The following ADAM12 variants were observed in gnomAD, a reference collection of about 807,000 sequenced individuals.
The protein encoded by ADAM12 is ADAM metallopeptidase domain 12.
Under a neutral mutation model 106.4 loss-of-function variants are expected in ADAM12, and 70 were observed. The ratio of observed to expected loss-of-function variants is 0.66; its 90% confidence interval spans 0.54 to 0.80. The LOEUF is 0.80. Among genes scored for constraint, ADAM12 ranks in the 30% least tolerant of loss-of-function variants. The pLI is 0.00. For missense variants in ADAM12, 1,010 were observed against 1,171.9 expected (o/e 0.86, Z 2.02); for synonymous variants, 420 against 433.5 (o/e 0.97, Z 0.39).
chr10:126,104,728 T>TG (rs931264167), intron 8 of ADAM12, among the ~76,000 whole-genome samples: 5 of 152,116 alleles, frequency 3.3e-5, no homozygotes, highest in Non-Finnish European at 7.4e-5. Flanking sequence ...GTTTTGCTCA[T>TG]GGGGGGATTT....
At chr10:126,095,920 C>T (rs918951747) in intron 10 of ADAM12, among the ~76,000 whole-genome samples, 2 of 152,158 alleles carry the variant, frequency 1.3e-5, no homozygotes, top group Non-Finnish European at 2.9e-5. Context: ...AGAGAGCACA[C>T]TGATACAGTC....
chr10:126,371,048 T>C (rs1248871187), intron 1 of ADAM12, among the ~76,000 whole-genome samples: 1 of 152,258 alleles, frequency 6.6e-6, no homozygotes, highest in African/African-American at 2.4e-5. Context: ...GTATATTCCC[T>C]ATTTGTGCAG....
chr10:126,241,029 C>A (rs1020730499), intron 3 of ADAM12, among the ~76,000 whole-genome samples: 4 of 152,084 alleles, frequency 2.6e-5, no homozygotes, highest in African/African-American at 9.7e-5. Context: ...GGAATGTGTT[C>A]CAGCCATAAA....
chr10:126,166,505 T>TTTG (rs1957026961), intron 3 of ADAM12, among the ~76,000 whole-genome samples: 1 of 152,226 alleles, frequency 6.6e-6, no homozygotes, highest in South Asian at 2.1e-4. Context: ...TTTTTTGTTT[T>TTTG]TTGTTTTTTT....
chr10:126,096,257 T>C (rs73378604), intron 10 of ADAM12, among the ~76,000 whole-genome samples: 3,543 of 152,310 alleles, frequency 0.023, 131 homozygotes, highest in African/African-American at 0.08. Flanking sequence ...TTCTTCTGAT[T>C]CTTTTGTGTC....
intron 21 of ADAM12, among the ~76,000 whole-genome samples, chr10:126,030,644 A>G (rs11244777): frequency 0.24 from 36,813 of 152,174 alleles, 4,835 homozygotes; most frequent in East Asian, 0.33. Flanking sequence ...CCTTGAAAAC[A>G]TGTTCTGAGA....
chr10:126,235,945 T>C (rs7075350), intron 3 of ADAM12, among the ~76,000 whole-genome samples: 108,786 of 151,694 alleles, frequency 0.72, 39,500 homozygotes, highest in Non-Finnish European at 0.78. Flanking sequence ...AGGACCTGGT[T>C]GGACCAAGGG....
At chr10:126,322,840 G>A (rs1361509141) in intron 2 of ADAM12, among the ~76,000 whole-genome samples, 2 of 152,132 alleles carry the variant, frequency 1.3e-5, no homozygotes, top group African/African-American at 2.4e-5. Flanking sequence ...TTAAACAGCT[G>A]AGCTCCCAGA....
chr10:126,321,029 T>C (rs570329410), intron 2 of ADAM12, among the ~76,000 whole-genome samples: 303 of 152,346 alleles, frequency 2.0e-3, no homozygotes, highest in Non-Finnish European at 3.2e-3. Flanking sequence ...AAGGGCAGGA[T>C]TGGGTCCCAT....
chr10:126,321,905 C>CGG (rs4019511), intron 2 of ADAM12, among the ~76,000 whole-genome samples: 103 of 94,148 alleles, frequency 1.1e-3, no homozygotes, highest in Non-Finnish European at 1.3e-3. Flanking sequence ...ACCTGGGGGT[C>CGG]GGGGGGGGGG....
intron 1 of ADAM12, among the ~76,000 whole-genome samples, chr10:126,386,022 C>T (rs182084632): frequency 9.8e-4 from 149 of 152,178 alleles, no homozygotes; most frequent in Non-Finnish European, 6.2e-4. Flanking sequence ...GGGAAAGGCA[C>T]ACTTCGGGAT....
chr10:126,144,347 G>T (rs951771028), intron 4 of ADAM12, among the ~76,000 whole-genome samples: 1 of 152,266 alleles, frequency 6.6e-6, no homozygotes, highest in South Asian at 2.1e-4. Flanking sequence ...ACATGGGGAC[G>T]CAATTCATAA....
chr10:126,197,663 CA>C (rs1359203765), intron 3 of ADAM12, among the ~76,000 whole-genome samples: 1 of 152,236 alleles, frequency 6.6e-6, no homozygotes, highest in Admixed American at 6.5e-5. Flanking sequence ...GCCTGAGAAA[CA>C]GACCTGGGTT....
intron 3 of ADAM12, among the ~76,000 whole-genome samples, chr10:126,264,154 G>A (rs923424329): frequency 4.6e-5 from 7 of 151,976 alleles, no homozygotes; most frequent in East Asian, 1.9e-4. Flanking sequence ...TTCATTTTAC[G>A]AAAACCACAT....
chr10:126,201,071 C>A (rs547807764), intron 3 of ADAM12, among the ~76,000 whole-genome samples: 1 of 152,194 alleles, frequency 6.6e-6, no homozygotes, highest in East Asian at 1.9e-4. Flanking sequence ...CTAAAGTAGT[C>A]AGAATTTCTT....
At chr10:126,281,279 T>C (rs1481154192) in intron 2 of ADAM12, among the ~76,000 whole-genome samples, 1 of 152,228 alleles carries the variant, frequency 6.6e-6, no homozygotes, top group Non-Finnish European at 1.5e-5. Context: ...TTCATATGTA[T>C]GTATATATAA....
At chr10:126,140,529 G>A (rs1337688193) in intron 4 of ADAM12, among the ~76,000 whole-genome samples, 2 of 152,134 alleles carry the variant, frequency 1.3e-5, no homozygotes, top group Non-Finnish European at 2.9e-5. Context: ...ACTTCTCTCA[G>A]TCATTAGTAG....
chr10:126,381,665 T>G (rs2133936563), intron 1 of ADAM12, among the ~76,000 whole-genome samples: 1 of 151,958 alleles, frequency 6.6e-6, no homozygotes, highest in South Asian at 2.1e-4. Flanking sequence ...CTGGCTAATT[T>G]TTGTATCTTT....
At chr10:126,381,785 A>C (rs1302459384) in intron 1 of ADAM12, among the ~76,000 whole-genome samples, 2 of 152,042 alleles carry the variant, frequency 1.3e-5, no homozygotes, top group African/African-American at 4.8e-5. Flanking sequence ...TACAGGTGTG[A>C]GCCACCATGC....
Sources: gnomAD v4.1 joint callset for allele counts (sites outside exome capture counted in the v4.1 genomes callset) on GRCh38, gnomAD v4.1.1 for gene constraint, MANE v1.5 for transcripts, NCBI Gene and HGNC (gene_info 2026-07-23, HGNC 2026-07-21) for gene names.